Variants in PRKCA observed in about 807,000 individuals in gnomAD.
The protein encoded by PRKCA is protein kinase C alpha type.
In PRKCA, 27 loss-of-function variants were observed where a neutral mutation model predicts 87.0. The observed-to-expected ratio is 0.31, with a 90% CI of 0.23 to 0.43. The LOEUF is 0.43. PRKCA is among the 20% of genes least tolerant of loss of function. The pLI is 1.00. For synonymous variants in PRKCA, 329 were observed against 311.1 expected, an observed-to-expected ratio of 1.06 and a Z score of -0.61; for missense variants, 518 against 852.3, an observed-to-expected ratio of 0.61 and a Z score of 4.88.
At chr17:66,549,138 G>A (rs1968248357) in intron 3 of PRKCA, among the ~76,000 whole-genome samples, 1 of 142,288 alleles carries the variant, frequency 7.0e-6, no homozygotes, top group Non-Finnish European at 1.5e-5. Context: ...CAAGTTTATG[G>A]CAGTTTTTTT....
intron 3 of PRKCA, among the ~76,000 whole-genome samples, chr17:66,501,263 A>T (rs933714244): frequency 6.6e-6 from 1 of 152,204 alleles, no homozygotes; most frequent in Non-Finnish European, 1.5e-5. Flanking sequence ...GAGAGTATGC[A>T]TTAGTGCAGG....
intron 3 of PRKCA, chr17:66,639,444 G>C (rs1971231354): frequency 6.6e-6 from 1 of 152,174 alleles, no homozygotes; most frequent in South Asian, 2.1e-4. Flanking sequence ...CTGGCGTGCA[G>C]TGGCATAATC....
intron 2 of PRKCA, among the ~76,000 whole-genome samples, chr17:66,358,157 AT>A (rs550297171): frequency 6.1e-4 from 90 of 147,362 alleles, no homozygotes; most frequent in African/African-American, 9.2e-4. Flanking sequence ...ATAGAGCACA[AT>A]TTTTTTTTTT....
chr17:66,784,919 G>A lies in PRKCA; in HGVS notation c.1606-1948G>A, dbSNP rs1004316614. Among the ~76,000 whole-genome samples, 3 of 152,316 alleles carry A rather than the reference G, an allele frequency of 2.0e-5. No homozygotes were observed. In the East Asian group the frequency reaches 5.8e-4, roughly 29 times the overall value. ...CAGGCTCCATGTTGCTCCTGCTGGTGGAAGTTGCTGTGGCCAGCTGCCCCT... is the reference window on the plus strand; with the variant it reads ...CAGGCTCCATGTTGCTCCTGCTGGTAGAAGTTGCTGTGGCCAGCTGCCCCT... On this transcript the variant is annotated intron_variant, in intron 14 of 16. Coordinates refer to ENST00000413366, the MANE Select transcript of PRKCA (RefSeq NM_002737.3).
At chr17:66,322,568 C>A (rs1438579441) in intron 2 of PRKCA, among the ~76,000 whole-genome samples, 1 of 151,916 alleles carries the variant, frequency 6.6e-6, no homozygotes, top group Non-Finnish European at 1.5e-5. Context: ...CCTCAAGAAA[C>A]CCTCCCACCT....
chr17:66,631,636 T>C (rs1971015742), intron 3 of PRKCA, among the ~76,000 whole-genome samples: 1 of 152,192 alleles, frequency 6.6e-6, no homozygotes, highest in Admixed American at 6.5e-5. Flanking sequence ...GTTTTTGAAA[T>C]TTAAAAGTTG....
intron 3 of PRKCA, among the ~76,000 whole-genome samples, chr17:66,579,354 A>G (rs552529091): frequency 1.3e-5 from 2 of 152,292 alleles, no homozygotes; most frequent in South Asian, 2.1e-4. Flanking sequence ...GAGCCTGAAG[A>G]AAGATGTTTC....
At chr17:66,569,662 A>G (rs554159224) in intron 3 of PRKCA, among the ~76,000 whole-genome samples, 1 of 152,212 alleles carries the variant, frequency 6.6e-6, no homozygotes, top group Admixed American at 6.5e-5. Flanking sequence ...GAAAGAGGAT[A>G]TAAAAATGGA....
At chr17:66,671,416 C>A (rs1183182682) in intron 5 of PRKCA, among the ~76,000 whole-genome samples, 2 of 151,974 alleles carry the variant, frequency 1.3e-5, no homozygotes, top group Non-Finnish European at 2.9e-5. Flanking sequence ...TCTCTCCAAG[C>A]CTCAGCTTTC....
chr17:66,435,894 G>A (rs150844623), intron 2 of PRKCA, among the ~76,000 whole-genome samples: 15 of 152,254 alleles, frequency 9.9e-5, no homozygotes, highest in African/African-American at 2.4e-4. Flanking sequence ...CATGACCATC[G>A]TGAAGGACCC....
chr17:66,714,471 C>T (rs1001009207), intron 8 of PRKCA, among the ~76,000 whole-genome samples: 1 of 152,198 alleles, frequency 6.6e-6, no homozygotes, highest in African/African-American at 2.4e-5. Flanking sequence ...TCCAAGTCCC[C>T]TGAGGGCAGC....
intron 3 of PRKCA, among the ~76,000 whole-genome samples, chr17:66,563,662 T>C (rs1336286801): frequency 1.3e-5 from 2 of 152,196 alleles, no homozygotes; most frequent in African/African-American, 4.8e-5. Flanking sequence ...GGCCACAAAA[T>C]ATCTCATTCT....
In PRKCA at chr17:66,587,962, C is replaced by G. The variant is rs183673644; in HGVS notation, c.289-53393C>G. 2.7e-3 allele frequency among the ~76,000 whole-genome samples: 375 copies of G among 138,128 alleles called. 2 individuals carry two copies. Among genetic ancestry groups the G allele is most frequent in the African/African-American group, 9.5e-3 (362 of 38,152 alleles). The allele number at this position is 138,128 out of a possible 152,430, so 90.6% of individuals were successfully genotyped here. ...CAGTAGCTCTTCTTGTGAGATTCTC[C>G]TATGTGAGAATTCCCCTAGGTCTGG... On this transcript the variant is annotated intron_variant, in intron 3 of 16. Coordinates refer to ENST00000413366, the MANE Select transcript of PRKCA (RefSeq NM_002737.3).
At chr17:66,408,477 C>T (rs1911549779) in intron 2 of PRKCA, among the ~76,000 whole-genome samples, 1 of 152,180 alleles carries the variant, frequency 6.6e-6, no homozygotes, top group East Asian at 1.9e-4. Flanking sequence ...TAATTTGAAT[C>T]AATGACATAA....
At chr17:66,443,872 G>A (rs1913898568) in intron 2 of PRKCA, among the ~76,000 whole-genome samples, 1 of 152,164 alleles carries the variant, frequency 6.6e-6, no homozygotes, top group Non-Finnish European at 1.5e-5. Flanking sequence ...GGAAAAGTGT[G>A]TGAATGGATA....
At chr17:66,368,354 G>A (rs1451710417) in intron 2 of PRKCA, among the ~76,000 whole-genome samples, 15 of 101,670 alleles carry the variant, frequency 1.5e-4, no homozygotes, top group African/African-American at 5.5e-4. Flanking sequence ...GTGTGTGTGT[G>A]TGTGTATATG....
intron 3 of PRKCA, among the ~76,000 whole-genome samples, chr17:66,545,224 C>G (rs549797460): frequency 1.2e-4 from 19 of 152,182 alleles, no homozygotes; most frequent in Non-Finnish European, 2.4e-4. Context: ...GTCAGGAGAT[C>G]GAGACCATCC....
chr17:66,596,382 C>T (rs1969977463), intron 3 of PRKCA, among the ~76,000 whole-genome samples: 1 of 151,958 alleles, frequency 6.6e-6, no homozygotes, highest in African/African-American at 2.4e-5. Context: ...TGCCCCCCTG[C>T]CTTCACCGCT....
In PRKCA at chr17:66,389,534, G is replaced by T. The variant is rs577749488; in HGVS notation, c.205+83407G>T. Reference sequence around the variant, plus strand: ...ATGCCGGAAGTATCTGGTTTCTATGGGGCCCTCAGATGATGGCCAGCATCG... The same window carrying T: ...ATGCCGGAAGTATCTGGTTTCTATGTGGCCCTCAGATGATGGCCAGCATCG... On this transcript the variant is annotated intron_variant, in intron 2 of 16. Transcript: ENST00000413366. 4.9e-4 allele frequency among the ~76,000 whole-genome samples: 74 copies of T among 152,288 alleles called. 1 individual carries two copies. In the South Asian group the frequency reaches 0.015, roughly 31 times the overall value.
Sources: gnomAD v4.1 joint callset for allele counts (sites outside exome capture counted in the v4.1 genomes callset) on GRCh38, gnomAD v4.1.1 for gene constraint, MANE v1.5 for transcripts, NCBI Gene and HGNC (gene_info 2026-07-23, HGNC 2026-07-21) for gene names.